The following DNAH9 variants were observed in gnomAD, a reference collection of about 807,000 sequenced individuals.
DNAH9 encodes DNAH9 variant protein.
In DNAH9, 345 loss-of-function variants were observed where a neutral mutation model predicts 471.6. The ratio of observed to expected loss-of-function variants is 0.73; its 90% confidence interval spans 0.67 to 0.80. The LOEUF is 0.80. Ranked by LOEUF, DNAH9 falls within the 30% of genes least tolerant of loss-of-function variation. The pLI is 0.00. For synonymous variants in DNAH9, 2,093 were observed against 2,123.6 expected (o/e 0.99, Z 0.40); for missense variants, 5,407 against 5,609.2 (o/e 0.96, Z 1.15).
chr17:11,804,567 A>G lies in DNAH9; in HGVS notation c.8421-3165A>G, dbSNP rs927425484. Among the ~76,000 whole-genome samples the G allele has an allele frequency of 5.3e-5, 8 of 152,192 alleles. No homozygotes were observed. In the South Asian group the frequency reaches 1.2e-3, roughly 24 times the overall value. On this transcript the variant is annotated intron_variant, in intron 43 of 68. Coordinates refer to ENST00000262442, the MANE Select transcript of DNAH9 (RefSeq NM_001372.4). ...CCAAATAAATAAAAATAAAAACAGT[A>G]ATTTTTCCACCATTAAATTGGCAAA...
intron 17 of DNAH9, among the ~76,000 whole-genome samples, chr17:11,674,899 A>C (rs1378039886): frequency 6.6e-6 from 1 of 152,262 alleles, no homozygotes; most frequent in Middle Eastern, 3.4e-3. Context: ...ACAAATCTCT[A>C]TATCTGGCAG....
chr17:11,719,574 C>T (rs1464885726), intron 27 of DNAH9, 84 bp downstream of exon 27: 2 of 1,294,126 alleles, frequency 1.5e-6, no homozygotes, highest in Non-Finnish European at 2.1e-6. Flanking sequence ...GCATCCGTGC[C>T]ACCCTGACCC....
rs1253682240 is a variant in DNAH9 at position 11,763,569 on chromosome 17, GT to G, written c.7128del (p.Phe2376LeufsTer28). On this transcript the variant is annotated frameshift_variant, in exon 36 of 69. Coordinates refer to ENST00000262442, the MANE Select transcript of DNAH9 (RefSeq NM_001372.4). LOFTEE classifies it high-confidence loss of function. Reference sequence around the variant, plus strand: ...AGGAAATTTATGAGCATTATTTTGTGTTTGCTGCCATCTGGGCTTTCGGCGG... The same window carrying G: ...AGGAAATTTATGAGCATTATTTTGTGTTGCTGCCATCTGGGCTTTCGGCGG... ...PKEIYEHYFVFAAIWAFGGAM... is the reference protein window; with the variant it reads ...PKEIYEHYFVXAAIWAFGGAM... The G allele has an allele frequency of 6.2e-7, 1 of 1,614,152 alleles. No individual in the cohort carries two copies. Among genetic ancestry groups the G allele is most frequent in the Non-Finnish European group, 8.5e-7 (1 of 1,180,030 alleles).
intron 49 of DNAH9, among the ~76,000 whole-genome samples, chr17:11,842,010 C>T (rs1287217444): frequency 6.6e-6 from 1 of 152,010 alleles, no homozygotes; most frequent in Admixed American, 6.6e-5. Flanking sequence ...TCATTATAAA[C>T]TTTTGCTATG....
intron 50 of DNAH9, among the ~76,000 whole-genome samples, chr17:11,855,042 A>C (rs764304671): frequency 6.6e-6 from 1 of 152,118 alleles, no homozygotes; most frequent in Non-Finnish European, 1.5e-5. Context: ...TGTCAACCTG[A>C]AATAATTGAA....
At chr17:11,702,153 C>A (rs2074612576) in intron 24 of DNAH9, among the ~76,000 whole-genome samples, 1 of 152,190 alleles carries the variant, frequency 6.6e-6, no homozygotes, top group Non-Finnish European at 1.5e-5. Context: ...AGAGCCCAGG[C>A]TCAGAAGACA....
chr17:11,703,102 A>AAAAAG (rs1555569584), intron 24 of DNAH9, among the ~76,000 whole-genome samples: 30 of 151,428 alleles, frequency 2.0e-4, no homozygotes, highest in African/African-American at 5.8e-4. Context: ...AAAAAAAAAA[A>AAAAAG]AAAAGAAAAG....
intron 49 of DNAH9, among the ~76,000 whole-genome samples, chr17:11,843,240 C>T (rs979819311): frequency 1.3e-4 from 20 of 152,014 alleles, no homozygotes; most frequent in African/African-American, 4.6e-4. Context: ...AAATATCAAA[C>T]ATAATATTAT....
rs992689301 is a variant in DNAH9 at position 11,820,180 on chromosome 17, G to A, written c.8708-1740G>A. On this transcript the variant is annotated intron_variant, in intron 45 of 68. Coordinates refer to ENST00000262442, the MANE Select transcript of DNAH9 (RefSeq NM_001372.4). ...TTTCAATGTCATATTGTTTTACTTCGTTAATCAATTAATGTACTAAATTAT... is the reference window on the plus strand; with the variant it reads ...TTTCAATGTCATATTGTTTTACTTCATTAATCAATTAATGTACTAAATTAT... Among the ~76,000 whole-genome samples the A allele has an allele frequency of 4.0e-5, 6 of 151,858 alleles. No individual in the cohort carries two copies. The East Asian group carries it at 7.7e-4, about 20-fold the overall frequency.
At chr17:11,614,009 A>T (rs1490535969) in intron 4 of DNAH9, among the ~76,000 whole-genome samples, 2 of 152,078 alleles carry the variant, frequency 1.3e-5, no homozygotes, top group Non-Finnish European at 1.5e-5. Context: ...CCGGCAATGA[A>T]TTTTTTTTAA....
At chr17:11,610,014 C>T (rs1374595767) in intron 2 of DNAH9, among the ~76,000 whole-genome samples, 1 of 152,204 alleles carries the variant, frequency 6.6e-6, no homozygotes, top group African/African-American at 2.4e-5. Flanking sequence ...CGAGAGCTTG[C>T]TGTCACTGGT....
chr17:11,876,108 G>T (rs1882380237), intron 53 of DNAH9, among the ~76,000 whole-genome samples: 1 of 152,112 alleles, frequency 6.6e-6, no homozygotes, highest in African/African-American at 2.4e-5. Flanking sequence ...TTTCCCTGGG[G>T]AGTTCGCCAT....
chr17:11,845,891 T>C (rs1213665390), intron 49 of DNAH9, among the ~76,000 whole-genome samples: 1 of 147,180 alleles, frequency 6.8e-6, no homozygotes, highest in African/African-American at 2.5e-5. Context: ...CATTGTAGAT[T>C]CTGGATATTA....
Position 11,679,803 on chromosome 17 carries a change from C to G in DNAH9, c.3400C>G (p.Leu1134Val), listed in dbSNP as rs2074103279. 3.7e-6 allele frequency: 6 copies of G among 1,613,972 alleles called. No individual in the cohort carries two copies. The highest frequency in any genetic ancestry group is 1.6e-4 in the Middle Eastern group (1 of 6,084). The change falls in exon 18 of 69, where the codon CTC becomes GTC. Residue 1134 changes from leucine (L) to valine (V), a missense_variant. Physicochemically the swap from Leu to Val is conservative, Grantham distance 32. Around this residue, in one of 3 missense-constraint regions of DNAH9, gnomAD observed 4,636 missense variants for 4,900.3 expected, o/e 0.95. Coordinates refer to ENST00000262442, the MANE Select transcript of DNAH9 (RefSeq NM_001372.4). The part of the protein sequence containing the change: ...AFIKKSESGL[L>V]KKVEKGDFQG... ...TATAAAGAAGAGTGAGAGCGGCTTACTCAAGAAAGTTGAAAAAGGAGATTT... is the reference window on the plus strand; with the variant it reads ...TATAAAGAAGAGTGAGAGCGGCTTAGTCAAGAAAGTTGAAAAAGGAGATTT...
intron 35 of DNAH9, among the ~76,000 whole-genome samples, chr17:11,762,790 T>G (rs867924097): frequency 3.6e-5 from 5 of 138,646 alleles, no homozygotes; most frequent in Admixed American, 1.5e-4. Context: ...TTTTTTTTTT[T>G]TTTTTTTGAG....
chr17:11,823,128 G>C (rs1312868824), intron 48 of DNAH9, 94 bp downstream of exon 48: 1 of 1,054,284 alleles, frequency 9.5e-7, no homozygotes, highest in Non-Finnish European at 1.3e-6. Context: ...ATCAAGATCT[G>C]AAAAATATGT....
intron 57 of DNAH9, among the ~76,000 whole-genome samples, chr17:11,888,892 C>T (rs771690294): frequency 7.9e-5 from 12 of 152,224 alleles, no homozygotes; most frequent in Middle Eastern, 3.4e-3. Context: ...GATAGGCCAA[C>T]GTGGCAGGAA....
chr17:11,705,672 G>A (rs1015251374), intron 26 of DNAH9, among the ~76,000 whole-genome samples: 2 of 152,110 alleles, frequency 1.3e-5, no homozygotes, highest in African/African-American at 4.8e-5. Context: ...CAGCAGAATA[G>A]CATGACTATA....
intron 50 of DNAH9, among the ~76,000 whole-genome samples, chr17:11,857,792 A>C (rs931024584): frequency 5.3e-5 from 8 of 152,014 alleles, no homozygotes; most frequent in Non-Finnish European, 7.4e-5. Context: ...AGTTCTTGTG[A>C]TATCTGGTCA....
Sources: allele counts gnomAD v4.1 joint callset (sites outside exome capture counted in the v4.1 genomes callset), GRCh38; gene constraint gnomAD v4.1.1; regional missense constraint gnomAD v4.1.1; transcripts MANE v1.5; gene names NCBI Gene and HGNC (gene_info 2026-07-23, HGNC 2026-07-21).